RARA: variants seen among roughly 807,000 people sequenced by gnomAD.
RARA encodes the protein PML-DDX5-RARA fusion.
Under a neutral mutation model 42.8 loss-of-function variants are expected in RARA, and 5 were observed. The observed-to-expected ratio is 0.12, with a 90% CI of 0.06 to 0.25. The LOEUF is 0.25. Among genes scored for constraint, RARA ranks in the 10% least tolerant of loss-of-function variants. The probability of loss-of-function intolerance (pLI) is 1.00; values close to 1 mark genes in which losing one functional copy is unlikely to be tolerated. For missense variants in RARA, 402 were observed against 628.7 expected (o/e 0.64, Z 3.86); for synonymous variants, 256 against 259.5 (o/e 0.99, Z 0.13).
Position 40,352,467 on chromosome 17 carries a change from A to G in RARA, c.767A>G (p.Asp256Gly). The G allele has an allele frequency of 6.2e-7, 1 of 1,613,306 alleles. No homozygotes were observed. Among genetic ancestry groups the G allele is most frequent in the African/African-American group, 1.3e-5 (1 of 74,986 alleles). ...LPGFTTLTIA[D>G]QITLLKAACL... ...GGCTTCACCACCCTCACCATCGCCG[A>G]CCAGATCACCCTCCTCAAGGCTGCC... Residue 256 changes from aspartate to glycine, a missense_variant, in exon 6 of 9, where the codon GAC (aspartate) becomes GGC (glycine). Coordinates refer to ENST00000254066, the MANE Select transcript of RARA (RefSeq NM_000964.4). This position sits in a 1 kb window ranked among gnomAD's most constrained non-coding sequence, Gnocchi z 4.9.
intron 1 of RARA, chr17:40,318,168 T>C (rs2033255059): frequency 6.6e-6 from 1 of 152,024 alleles, no homozygotes; most frequent in East Asian, 1.9e-4. Flanking sequence ...TGACTGGTGA[T>C]TGGTCGGTGG....
chr17:40,328,195 C>G (rs891037406), intron 1 of RARA, among the ~76,000 whole-genome samples: 3 of 152,110 alleles, frequency 2.0e-5, no homozygotes, highest in African/African-American at 7.2e-5. Context: ...GTGGCCTTGG[C>G]AGGAACTCCC....
At chr17:40,315,171 T>TACACACACAC (rs71355449) in intron 1 of RARA, among the ~76,000 whole-genome samples, 10 of 76,560 alleles carry the variant, frequency 1.3e-4, no homozygotes, top group African/African-American at 4.7e-4. Flanking sequence ...TATATATATA[T>TACACACACAC]ACACACACAC....
In RARA at chr17:40,352,002, A is replaced by C; in HGVS notation, c.562A>C (p.Ile188Leu). 2 of 1,602,274 alleles carry C rather than the reference A, an allele frequency of 1.2e-6. No homozygotes were observed. The highest frequency in any genetic ancestry group is 1.7e-6 in the Non-Finnish European group (2 of 1,176,356). ...GCTGACGCCGGAGGTGGGGGAGCTC[A>C]TTGAGAAGGTGCGCAAAGCGCACCA... ...YTLTPEVGEL[I>L]EKVRKAHQET... Residue 188 changes from isoleucine (I) to leucine (L), a missense_variant, in exon 5 of 9, where the codon ATT becomes CTT. Coordinates refer to ENST00000254066, the MANE Select transcript of RARA (RefSeq NM_000964.4). The surrounding 1 kb of genome is among the most constrained non-coding windows in gnomAD (Gnocchi z 4.9).
chr17:40,315,171 T>TATATATATAC (rs1247793097), intron 1 of RARA, among the ~76,000 whole-genome samples: 1 of 76,574 alleles, frequency 1.3e-5, no homozygotes, highest in African/African-American at 5.9e-5. Flanking sequence ...TATATATATA[T>TATATATATAC]ACACACACAC....
rs561629991 is a variant in RARA, at chr17:40,331,328, C to T, written c.110C>T (p.Pro37Leu). The T allele has an allele frequency of 2.4e-5, 38 of 1,614,080 alleles. No homozygotes were observed. Among genetic ancestry groups the T allele is most frequent in the South Asian group, 3.3e-5 (3 of 91,078 alleles). ...FFPPMLGGLS[P>L]PGALTTLQHQ... ...CCCCCTATGCTGGGTGGACTCTCCCCGCCAGGCGCTCTGACCACTCTCCAG... is the reference window on the plus strand; with the variant it reads ...CCCCCTATGCTGGGTGGACTCTCCCTGCCAGGCGCTCTGACCACTCTCCAG... Residue 37 changes from proline (P) to leucine (L), a missense_variant, in exon 2 of 9, where the codon CCG becomes CTG. Physicochemically the swap from Pro to Leu is moderately conservative, Grantham distance 98 (BLOSUM62 -3). Coordinates refer to ENST00000254066, the MANE Select transcript of RARA (RefSeq NM_000964.4).
chr17:40,354,843 T>C lies in RARA; in HGVS notation c.1012+337T>C, dbSNP rs566729782. On this transcript the variant is annotated intron_variant, in intron 7 of 8. Coordinates refer to ENST00000254066, the MANE Select transcript of RARA (RefSeq NM_000964.4). The surrounding 1 kb of genome is among the most constrained non-coding windows in gnomAD (Gnocchi z 4.5). ...AACGGTCTCTAGCTCATGAAGTTGA[T>C]GGGAGGATTACGGTGGTAACAGATA... Among the ~76,000 whole-genome samples, 1 of 152,174 alleles carries C rather than the reference T, an allele frequency of 6.6e-6. No homozygotes were observed. The highest frequency in any genetic ancestry group is 2.4e-5 in the African/African-American group (1 of 41,436).
In RARA at chr17:40,320,147, G is replaced by T. The variant is rs1368410466; in HGVS notation, c.-362-10710G>T. Among the ~76,000 whole-genome samples, 1 of 152,136 alleles carries T rather than the reference G, an allele frequency of 6.6e-6. No individual in the cohort carries two copies. The highest frequency in any genetic ancestry group is 1.5e-5 in the Non-Finnish European group (1 of 68,008). On this transcript the variant is annotated intron_variant, in intron 1 of 8. Coordinates refer to ENST00000254066, the MANE Select transcript of RARA (RefSeq NM_000964.4). This position sits in a 1 kb window ranked among gnomAD's most constrained non-coding sequence, Gnocchi z 4.1. ...CTGCAGGGGTTTCACCATCAGACTG[G>T]CGACGGTGGCACAGATGCAGTGGCA...
rs2034569267 is a variant in RARA at position 40,354,958 on chromosome 17, C to T, written c.1013-305C>T. ...CCATTTCATCTGGTTTCCAGAATAA[C>T]AGGGGGGAGTGGGAGCCTGCCTGGG... On this transcript the variant is annotated intron_variant, in intron 7 of 8. Coordinates refer to ENST00000254066, the MANE Select transcript of RARA (RefSeq NM_000964.4). The surrounding 1 kb of genome is among the most constrained non-coding windows in gnomAD (Gnocchi z 4.5). 6.6e-6 allele frequency among the ~76,000 whole-genome samples: 1 copy of T among 152,204 alleles called. No individual in the cohort carries two copies. Among genetic ancestry groups the T allele is most frequent in the African/African-American group, 2.4e-5 (1 of 41,434 alleles).
chr17:40,354,687 C>G lies in RARA; in HGVS notation c.1012+181C>G, dbSNP rs1302604638. On this transcript the variant is annotated intron_variant, in intron 7 of 8. Transcript: ENST00000254066. This position sits in a 1 kb window ranked among gnomAD's most constrained non-coding sequence, Gnocchi z 4.5. ...ACTCCTGTTCCCGATTTCTGGGCAA[C>G]ACCCCTTCTAGGGAGGTTAAGAGTG... Among the ~76,000 whole-genome samples the G allele has an allele frequency of 6.6e-6, 1 of 152,168 alleles. No homozygotes were observed. The highest frequency in any genetic ancestry group is 1.5e-5 in the Non-Finnish European group (1 of 68,028).
chr17:40,344,392 A>C (rs1598571851), intron 2 of RARA, among the ~76,000 whole-genome samples: 1 of 150,368 alleles, frequency 6.7e-6, no homozygotes, highest in African/African-American at 2.5e-5. Context: ...CTGGAGCAAG[A>C]CCCCCCTCCC....
chr17:40,333,136 G>A (rs1017240841), intron 2 of RARA, among the ~76,000 whole-genome samples: 2 of 152,060 alleles, frequency 1.3e-5, no homozygotes, highest in African/African-American at 4.8e-5. Context: ...TGCAACTTCC[G>A]CCTTCCGGAA....
intron 2 of RARA, 26 bp from the exon 3 acceptor site, chr17:40,348,290 C>G: frequency 1.3e-6 from 2 of 1,530,180 alleles, no homozygotes; most frequent in South Asian, 2.6e-5. Context: ...AGGTCTCTAA[C>G]TGCCCCTCCC....
chr17:40,354,110 A>C lies in RARA; in HGVS notation c.808-192A>C, dbSNP rs184437834. On this transcript the variant is annotated intron_variant, in intron 6 of 8. Transcript: ENST00000254066. The surrounding 1 kb of genome is among the most constrained non-coding windows in gnomAD (Gnocchi z 4.5). Reference sequence around the variant, plus strand: ...CACATTTCAAGTACTCAGTAGACGCATGTGGCTGGTGGCTGAGGTATGGAT... The same window carrying C: ...CACATTTCAAGTACTCAGTAGACGCCTGTGGCTGGTGGCTGAGGTATGGAT... Among the ~76,000 whole-genome samples the C allele has an allele frequency of 2.1e-4, 32 of 152,332 alleles. No individual in the cohort carries two copies. Among genetic ancestry groups the C allele is most frequent in the South Asian group, 6.2e-4 (3 of 4,832 alleles).
In RARA at chr17:40,351,507, G is replaced by A. The variant is rs1375394479; in HGVS notation, c.470-403G>A. ...CAGAGCCAGTCCCAAGGGACCCCCA[G>A]GGAGACTGCAGCTGGGAGGGCTGGG... On this transcript the variant is annotated intron_variant, in intron 4 of 8. Coordinates refer to ENST00000254066, the MANE Select transcript of RARA (RefSeq NM_000964.4). This position sits in a 1 kb window ranked among gnomAD's most constrained non-coding sequence, Gnocchi z 4.1. 2 of 475,124 alleles carry A rather than the reference G, an allele frequency of 4.2e-6. No individual in the cohort carries two copies. The highest frequency in any genetic ancestry group is 8.7e-6 in the Non-Finnish European group (2 of 230,330). 29.4% of individuals were successfully genotyped at this position (475,124 alleles called of 1,614,324 possible).
chr17:40,324,927 C>T (rs763813213), intron 1 of RARA, among the ~76,000 whole-genome samples: 2 of 152,112 alleles, frequency 1.3e-5, no homozygotes, highest in African/African-American at 2.4e-5. Context: ...GGTGATCCTT[C>T]TCCAGCCCTC....
At chr17:40,341,526 TC>T in intron 2 of RARA, 1 of 1,477,784 alleles carries the variant, frequency 6.8e-7, no homozygotes, top group Non-Finnish European at 9.0e-7. Context: ...TCTCCGCGTC[TC>T]CGGGGGAGGT....
At chr17:40,332,870 T>C (rs1252474015) in intron 2 of RARA, among the ~76,000 whole-genome samples, 1 of 152,208 alleles carries the variant, frequency 6.6e-6, no homozygotes, top group East Asian at 1.9e-4. Context: ...TCTGGTCCTA[T>C]AGTCTGTGTT....
In RARA at chr17:40,354,445, GC is replaced by G. The variant is rs1484574802; in HGVS notation, c.955del (p.Leu319TrpfsTer41). On this transcript the variant is annotated frameshift_variant, in exon 7 of 9. Transcript: ENST00000254066. LOFTEE classifies it high-confidence loss of function. The surrounding 1 kb of genome is among the most constrained non-coding windows in gnomAD (Gnocchi z 4.5). ...TCTTTGCCTTCGCCAACCAGCTGCTGCCCCTGGAGATGGATGATGCGGAGAC... is the reference window on the plus strand; with the variant it reads ...TCTTTGCCTTCGCCAACCAGCTGCTGCCCTGGAGATGGATGATGCGGAGAC... ...LVFAFANQLL[P>X]LEMDDAETGL... is the part of the protein sequence containing the mutation. The G allele has an allele frequency of 6.2e-7, 1 of 1,613,928 alleles. No individual in the cohort carries two copies. Among genetic ancestry groups the G allele is most frequent in the Non-Finnish European group, 8.5e-7 (1 of 1,179,980 alleles).
Sources: gnomAD v4.1 joint callset for allele counts (sites outside exome capture counted in the v4.1 genomes callset) on GRCh38, gnomAD v4.1.1 for gene constraint, Gnocchi (gnomAD v3.1) non-coding constraint, MANE v1.5 for transcripts, NCBI Gene and HGNC (gene_info 2026-07-23, HGNC 2026-07-21) for gene names.